The following CHRNB1 variants were observed in gnomAD, a reference collection of about 807,000 sequenced individuals.
CHRNB1 encodes the protein acetylcholine receptor subunit beta.
Under a neutral mutation model 53.8 loss-of-function variants are expected in CHRNB1, and 47 were observed. The ratio of observed to expected loss-of-function variants is 0.87; its 90% confidence interval spans 0.69 to 1.11. The LOEUF is 1.11. Among genes scored for constraint, CHRNB1 ranks in the 50% most tolerant of loss-of-function variants. The probability of loss-of-function intolerance (pLI) is 0.00; values close to 1 mark genes in which losing one functional copy is unlikely to be tolerated. For synonymous variants in CHRNB1, 259 were observed against 263.5 expected, an observed-to-expected ratio of 0.98 and a Z score of 0.16; for missense variants, 605 against 654.9, an observed-to-expected ratio of 0.92 and a Z score of 0.83.
Position 7,447,344 on chromosome 17 carries a change from G to A in CHRNB1, c.463-159G>A, listed in dbSNP as rs879591144. ...TTTCTTTGACTTCTAGTCTTACTCA[G>A]TGACCGCCCTCCCCATCCCTCCCCC... On this transcript the variant is annotated intron_variant, in intron 5 of 10. Coordinates refer to ENST00000306071, the MANE Select transcript of CHRNB1 (RefSeq NM_000747.3). 8 of 955,220 alleles carry A rather than the reference G, an allele frequency of 8.4e-6. No individual in the cohort carries two copies. The African/African-American group carries it at 1.1e-4, about 13-fold the overall frequency. The allele number at this position is 955,220 out of a possible 1,614,324, so 59.2% of individuals were successfully genotyped here.
intron 8 of CHRNB1, 25 bp downstream of exon 8, chr17:7,454,545 C>T: frequency 6.3e-7 from 1 of 1,588,872 alleles, no homozygotes; most frequent in Non-Finnish European, 8.6e-7. Flanking sequence ...CTCCTCCAAC[C>T]CCAATTTTCC....
At position 7,454,794 on chromosome 17, in the gene CHRNB1, C is replaced by CTTT. The variant is rs1171593191; in HGVS notation, c.1044+298_1044+300dup. On this transcript the variant is annotated intron_variant, in intron 8 of 10. Transcript: ENST00000306071. ...GGATACCTCCCAACCCACTAAATAG[C>CTTT]TTTTTTTTTTTTTTTTTTTTTTTTT... 3.8e-4 allele frequency among the ~76,000 whole-genome samples: 25 copies of CTTT among 65,532 alleles called. 2 individuals carry two copies. Among genetic ancestry groups the CTTT allele is most frequent in the Admixed American group, 1.3e-3 (6 of 4,664 alleles). 43.0% of individuals were successfully genotyped at this position (65,532 alleles called of 152,430 possible).
chr17:7,453,250 T>C (rs1296735159), intron 7 of CHRNB1, among the ~76,000 whole-genome samples: 2 of 152,170 alleles, frequency 1.3e-5, no homozygotes, highest in Non-Finnish European at 1.5e-5. Flanking sequence ...CCCTAGTAGC[T>C]GGGACTACAG....
At chr17:7,453,634 C>T (rs1218695712) in intron 7 of CHRNB1, among the ~76,000 whole-genome samples, 1 of 133,898 alleles carries the variant, frequency 7.5e-6, no homozygotes, top group Non-Finnish European at 1.5e-5. Context: ...GTTGCTCAGG[C>T]TGGAAGGCAG....
intron 3 of CHRNB1, 33 bp from the exon 4 acceptor site, chr17:7,446,800 C>T: frequency 6.4e-7 from 1 of 1,574,750 alleles, no homozygotes; most frequent in Non-Finnish European, 8.7e-7. Context: ...CGGCCTCCAA[C>T]CCGGGGCAGC....
intron 7 of CHRNB1, among the ~76,000 whole-genome samples, chr17:7,451,833 C>T (rs1908899022): frequency 6.6e-6 from 1 of 152,120 alleles, no homozygotes; most frequent in African/African-American, 2.4e-5. Context: ...TCCTCCATGC[C>T]CCCACCCAAG....
chr17:7,454,155 G>C (rs1908986932), intron 7 of CHRNB1, 142 bp from the exon 8 acceptor site: 1 of 759,032 alleles, frequency 1.3e-6, no homozygotes, highest in African/African-American at 1.7e-5. Context: ...GCCTCCCAAA[G>C]TGCCAGGACT....
chr17:7,454,191 T>G, intron 7 of CHRNB1, 106 bp from the exon 8 acceptor site: 1 of 981,370 alleles, frequency 1.0e-6, no homozygotes, highest in Non-Finnish European at 1.6e-6. Flanking sequence ...TGTGCCTGGC[T>G]GTAGAAATCT....
chr17:7,450,433 A>G (rs1908844930), intron 7 of CHRNB1, among the ~76,000 whole-genome samples: 1 of 152,082 alleles, frequency 6.6e-6, no homozygotes, highest in African/African-American at 2.4e-5. Context: ...ATCAGCCACC[A>G]CACCTGGCCA....
At chr17:7,454,543 A>C in intron 8 of CHRNB1, 23 bp downstream of exon 8, 1 of 1,596,326 alleles carries the variant, frequency 6.3e-7, no homozygotes, top group Non-Finnish European at 8.6e-7. Context: ...TCCTCCTCCA[A>C]CCCCAATTTT....
chr17:7,455,594 A>G, intron 9 of CHRNB1, 138 bp downstream of exon 9: 1 of 1,262,252 alleles, frequency 7.9e-7, no homozygotes, highest in Non-Finnish European at 1.1e-6. Flanking sequence ...CCTGCTGCTC[A>G]CTTTGAGGGG....
chr17:7,456,036 GGTTT>G (rs2069947202), intron 10 of CHRNB1, 95 bp downstream of exon 10: 1 of 947,260 alleles, frequency 1.1e-6, no homozygotes, highest in African/African-American at 2.0e-5. Flanking sequence ...TTTTTTGTGT[GGTTT>G]TTTTTTGGCT....
rs1908600663 is a variant in CHRNB1 at position 7,446,113 on chromosome 17, G to A, written c.243G>A (p.Leu81=). The change falls in exon 3 of 11, where the codon CTG becomes CTA. Residue 81 remains leucine (L), a splice_region_variant and synonymous_variant. Coordinates refer to ENST00000306071, the MANE Select transcript of CHRNB1 (RefSeq NM_000747.3). ...EEMSTKVYLD[L]EWTDYRLSWD... Reference sequence around the variant, plus strand: ...TGAGCACAAAGGTGTACTTAGACCTGGTATGGAGACCCCACGGGGTGGGAA... The same window carrying A: ...TGAGCACAAAGGTGTACTTAGACCTAGTATGGAGACCCCACGGGGTGGGAA... The A allele has an allele frequency of 6.2e-7, 1 of 1,613,636 alleles. No individual in the cohort carries two copies. Among genetic ancestry groups the A allele is most frequent in the South Asian group, 1.1e-5 (1 of 91,086 alleles).
chr17:7,447,373 A>G (rs1908684476), intron 5 of CHRNB1, 130 bp from the exon 6 acceptor site: 4 of 1,148,422 alleles, frequency 3.5e-6, no homozygotes, highest in Middle Eastern at 2.0e-4. Flanking sequence ...CTCCCCCATT[A>G]ATGGCTTCCC....
chr17:7,448,979 G>C (rs1380035742), intron 7 of CHRNB1, among the ~76,000 whole-genome samples, 191 bp downstream of exon 7: 1 of 152,000 alleles, frequency 6.6e-6, no homozygotes, highest in Non-Finnish European at 1.5e-5. Context: ...TTTCCTAATA[G>C]GAGTCCTAGC....
rs768374343 is a variant in CHRNB1, at chr17:7,454,514, C to G, written c.1038C>G (p.Val346=). ...SPHTHQMPLW[V]RQIFIHKLPL... ...ACACCCACCAAATGCCCCTTTGGGTCCGTCAGGTAAGAAAGATCTCCTCCT... is the reference window on the plus strand; with the variant it reads ...ACACCCACCAAATGCCCCTTTGGGTGCGTCAGGTAAGAAAGATCTCCTCCT... Residue 346 remains valine (V), a synonymous_variant, in exon 8 of 11, where the codon GTC becomes GTG. Transcript: ENST00000306071. 1 of 1,613,812 alleles carries G rather than the reference C, an allele frequency of 6.2e-7. No individual in the cohort carries two copies. Among genetic ancestry groups the G allele is most frequent in the South Asian group, 1.1e-5 (1 of 91,076 alleles).
rs879886948 is a variant in CHRNB1, at chr17:7,457,317, C to CA, written c.*606dup. 2.9e-3 allele frequency: 430 copies of CA among 146,006 alleles called. No individual in the cohort carries two copies. Among genetic ancestry groups the CA allele is most frequent in the South Asian group, 6.8e-3 (34 of 5,022 alleles). The allele number at this position is 146,006 out of a possible 1,614,324, so 9.0% of individuals were successfully genotyped here. ...GGGCAACAAGAGCGAAACTCCATCT[C>CA]AAAAAAAAAAAAGTGTCTTGTTCAC... On this transcript the variant is annotated 3_prime_UTR_variant, in exon 11 of 11. Transcript: ENST00000306071.
In CHRNB1 at chr17:7,457,133, C is replaced by T. The variant is rs1046884082; in HGVS notation, c.*410C>T. The T allele has an allele frequency of 4.3e-6, 1 of 231,726 alleles. No individual in the cohort carries two copies. Among genetic ancestry groups the T allele is most frequent in the African/African-American group, 2.3e-5 (1 of 43,784 alleles). The allele number at this position is 231,726 out of a possible 1,614,324, so 14.4% of individuals were successfully genotyped here. On this transcript the variant is annotated 3_prime_UTR_variant, in exon 11 of 11. Coordinates refer to ENST00000306071, the MANE Select transcript of CHRNB1 (RefSeq NM_000747.3). ...GGGAGTTTGAGACCAGCCCGACCAA[C>T]ATGGAGAAACCCTGTCTCTACTAAA...
In CHRNB1 at chr17:7,455,286, C is replaced by T. The variant is rs750703601; in HGVS notation, c.1047C>T (p.Ile349=). The T allele has an allele frequency of 2.7e-5, 44 of 1,614,070 alleles. No homozygotes were observed. In the South Asian group the frequency reaches 4.8e-4, roughly 18 times the overall value. The change falls in exon 9 of 11, where the codon ATC becomes ATT. Residue 349 remains isoleucine, a splice_region_variant and synonymous_variant. Transcript: ENST00000306071. ...THQMPLWVRQ[I]FIHKLPLYLR... Reference sequence around the variant, plus strand: ...AATACGCCTCTTCTACTCTGCAGATCTTCATTCACAAACTTCCGCTGTACC... The same window carrying T: ...AATACGCCTCTTCTACTCTGCAGATTTTCATTCACAAACTTCCGCTGTACC...
Sources: gnomAD v4.1 joint callset for allele counts (sites outside exome capture counted in the v4.1 genomes callset) on GRCh38, gnomAD v4.1.1 for gene constraint, MANE v1.5 for transcripts, NCBI Gene and HGNC (gene_info 2026-07-23, HGNC 2026-07-21) for gene names.